Variants in HS3ST5 observed in about 807,000 individuals in gnomAD.
The protein encoded by HS3ST5 is heparan sulfate-glucosamine 3-sulfotransferase 5.
Under a neutral mutation model 25.4 loss-of-function variants are expected in HS3ST5, and 10 were observed. The observed-to-expected ratio is 0.39, with a 90% CI of 0.24 to 0.67. The LOEUF (loss-of-function observed/expected upper bound fraction) is 0.67, where lower values mean the gene tolerates loss of function less well. Among genes scored for constraint, HS3ST5 ranks in the 30% least tolerant of loss-of-function variants. The pLI, the probability that HS3ST5 is intolerant of heterozygous loss-of-function variation, is 0.44. For missense variants in HS3ST5, 324 were observed against 420.7 expected (o/e 0.77, Z 2.01); for synonymous variants, 170 against 162.4 (o/e 1.05, Z -0.36).
At chr6:114,162,000 A>C (rs532871085) in intron 3 of HS3ST5, among the ~76,000 whole-genome samples, 1 of 152,234 alleles carries the variant, frequency 6.6e-6, no homozygotes, top group African/African-American at 2.4e-5. Context: ...AATTAATAAA[A>C]TAGAATTTTG....
chr6:114,320,505 G>A (rs953236920), intron 1 of HS3ST5, among the ~76,000 whole-genome samples: 2 of 151,912 alleles, frequency 1.3e-5, no homozygotes, highest in Non-Finnish European at 2.9e-5. Flanking sequence ...ATATTAATTC[G>A]ATTGCATCAT....
intron 4 of HS3ST5, 98 bp from the exon 5 acceptor site, chr6:114,058,288 C>A: frequency 1.2e-6 from 1 of 849,050 alleles, no homozygotes; most frequent in Non-Finnish European, 1.8e-6. Flanking sequence ...TAAATAAAGC[C>A]ACTGGTTCCC....
intron 3 of HS3ST5, among the ~76,000 whole-genome samples, chr6:114,120,272 C>G (rs962658431): frequency 1.3e-5 from 2 of 152,084 alleles, no homozygotes; most frequent in Non-Finnish European, 2.9e-5. Context: ...GTACCTTTAC[C>G]TGATTTTTTT....
chr6:114,297,369 G>A (rs1353269565), intron 1 of HS3ST5, among the ~76,000 whole-genome samples: 1 of 152,070 alleles, frequency 6.6e-6, no homozygotes, highest in African/African-American at 2.4e-5. Context: ...GATACGCAGG[G>A]AACACCTGTA....
intron 1 of HS3ST5, among the ~76,000 whole-genome samples, chr6:114,327,412 C>T (rs1313747736): frequency 1.3e-5 from 2 of 152,062 alleles, no homozygotes; most frequent in Non-Finnish European, 2.9e-5. Flanking sequence ...TTTGATGATG[C>T]AAATTAGTTT....
intron 2 of HS3ST5, among the ~76,000 whole-genome samples, chr6:114,197,878 AAGTC>A (rs1393939086): frequency 6.6e-6 from 1 of 152,106 alleles, no homozygotes; most frequent in Non-Finnish European, 1.5e-5. Context: ...GCAATTCAAA[AAGTC>A]AGAGTGTTTT....
At chr6:114,105,737 T>G (rs975646290) in intron 3 of HS3ST5, among the ~76,000 whole-genome samples, 1 of 152,174 alleles carries the variant, frequency 6.6e-6, no homozygotes, top group East Asian at 1.9e-4. Flanking sequence ...TATAAACTGC[T>G]GTTTTCTGTG....
intron 3 of HS3ST5, among the ~76,000 whole-genome samples, chr6:114,082,543 A>T (rs1774517303): frequency 6.6e-6 from 1 of 152,194 alleles, no homozygotes; most frequent in African/African-American, 2.4e-5. Context: ...TAAAGTTCGC[A>T]TTTATTGAGC....
intron 3 of HS3ST5, among the ~76,000 whole-genome samples, chr6:114,135,192 C>G (rs1486239590): frequency 1.3e-5 from 2 of 152,238 alleles, no homozygotes; most frequent in Non-Finnish European, 2.9e-5. Context: ...CCACTGTTGA[C>G]AGTTGCTCTT....
intron 3 of HS3ST5, among the ~76,000 whole-genome samples, chr6:114,071,940 C>T (rs534956906): frequency 6.6e-6 from 1 of 152,314 alleles, no homozygotes; most frequent in Admixed American, 6.5e-5. Flanking sequence ...CCCCACCTGA[C>T]ATGCACATGT....
intron 2 of HS3ST5, among the ~76,000 whole-genome samples, chr6:114,210,977 T>C (rs7752320): frequency 0.069 from 10,552 of 152,268 alleles, 424 homozygotes; most frequent in African/African-American, 0.083. Flanking sequence ...TCCTCAACCC[T>C]TTTATAATCC....
intron 3 of HS3ST5, among the ~76,000 whole-genome samples, chr6:114,130,694 T>C (rs560307815): frequency 1.4e-4 from 22 of 152,134 alleles, no homozygotes; most frequent in African/African-American, 4.1e-4. Context: ...CTCAGCCTCC[T>C]GAGTAGCTGG....
intron 3 of HS3ST5, among the ~76,000 whole-genome samples, chr6:114,086,160 T>G (rs1774811213): frequency 6.6e-6 from 1 of 152,186 alleles, no homozygotes; most frequent in South Asian, 2.1e-4. Context: ...GTTACTACTA[T>G]TATTGCAGTA....
intron 3 of HS3ST5, among the ~76,000 whole-genome samples, chr6:114,120,162 A>G (rs1776717912): frequency 6.6e-6 from 1 of 152,122 alleles, no homozygotes; most frequent in Non-Finnish European, 1.5e-5. Context: ...ACAAAACAAA[A>G]CAAAACAAAA....
At chr6:114,249,145 C>T (rs1772524613) in intron 1 of HS3ST5, among the ~76,000 whole-genome samples, 1 of 152,124 alleles carries the variant, frequency 6.6e-6, no homozygotes, top group African/African-American at 2.4e-5. Flanking sequence ...CTCTTTTCTC[C>T]CCTACTTAAG....
chr6:114,296,841 T>C (rs1562267598), intron 1 of HS3ST5, among the ~76,000 whole-genome samples: 1 of 152,110 alleles, frequency 6.6e-6, no homozygotes, highest in Non-Finnish European at 1.5e-5. Context: ...CATGCATGTC[T>C]TAAAACCACA....
At chr6:114,165,631 C>G (rs1279031579) in intron 3 of HS3ST5, among the ~76,000 whole-genome samples, 2 of 152,096 alleles carry the variant, frequency 1.3e-5, no homozygotes, top group Non-Finnish European at 2.9e-5. Context: ...CTATAATATG[C>G]CTGAGGCAAC....
intron 3 of HS3ST5, among the ~76,000 whole-genome samples, chr6:114,066,331 T>G (rs1238564620): frequency 6.6e-6 from 1 of 152,216 alleles, no homozygotes; most frequent in Non-Finnish European, 1.5e-5. Context: ...ATATTCTGAT[T>G]CAATGGGTAT....
chr6:114,230,596 C>CT (rs5879253), intron 1 of HS3ST5, among the ~76,000 whole-genome samples: 78,829 of 136,840 alleles, frequency 0.58, 23,007 homozygotes, highest in East Asian at 0.81. Flanking sequence ...CCTTAAGACT[C>CT]TTTTTTTTTT....
Sources: allele counts gnomAD v4.1 joint callset (sites outside exome capture counted in the v4.1 genomes callset), GRCh38; gene constraint gnomAD v4.1.1; transcripts MANE v1.5; gene names NCBI Gene and HGNC (gene_info 2026-07-23, HGNC 2026-07-21).